CHST7: variants seen among roughly 807,000 people sequenced by gnomAD.
The protein encoded by CHST7 is carbohydrate sulfotransferase 7, also known as N-acetylglucosamine 6-O-sulfotransferase 4.
In CHST7, 5 loss-of-function variants were observed where a neutral mutation model predicts 9.0. That is an observed-to-expected ratio of 0.56 (90% CI 0.29 to 1.17). CHST7 has a LOEUF of 1.17. CHST7 is among the 50% of genes most tolerant of loss of function. The pLI is 0.08. For missense variants in CHST7, 377 were observed against 485.1 expected, an observed-to-expected ratio of 0.78 and a Z score of 2.09; for synonymous variants, 244 against 237.1, an observed-to-expected ratio of 1.03 and a Z score of -0.27.
intron 1 of CHST7, among the ~76,000 whole-genome samples, chrX:46,581,891 G>A (rs762900327): frequency 2.7e-5 from 3 of 111,585 alleles, no homozygotes; most frequent in East Asian, 2.9e-4. Flanking sequence ...CACTGCGCCC[G>A]GTCAAAAATA....
At chrX:46,590,335 G>A (rs1215446560) in intron 1 of CHST7, among the ~76,000 whole-genome samples, 1 of 110,126 alleles carries the variant, frequency 9.1e-6, no homozygotes, top group Non-Finnish European at 1.9e-5. Context: ...CCAGCACTTA[G>A]GGAAGTCAAG....
At chrX:46,580,248 C>T (rs910313700) in intron 1 of CHST7, among the ~76,000 whole-genome samples, 9 of 110,113 alleles carry the variant, frequency 8.2e-5, no homozygotes, top group Non-Finnish European at 1.3e-4. Flanking sequence ...TTAGTAAAGA[C>T]GGGGTTTCAC....
At position 46,574,533 on chromosome X, in the gene CHST7, T is replaced by G. The variant is rs779640252; in HGVS notation, c.602T>G (p.Ile201Ser). ...TTCCGCTGGCGGACTAACAAGGTCATCTGCTCGCCGCCACTGTGTCCTGGC... is the reference window on the plus strand; with the variant it reads ...TTCCGCTGGCGGACTAACAAGGTCAGCTGCTCGCCGCCACTGTGTCCTGGC... The part of the protein sequence containing the change: ...ALFRWRTNKV[I>S]CSPPLCPGAP... Residue 201 changes from isoleucine to serine, a missense_variant, in exon 1 of 2, where the codon ATC becomes AGC. Ile to Ser is a moderately radical substitution (Grantham distance 142). This residue lies in a region of CHST7 where 239 missense variants were observed against 325.7 expected (regional missense o/e 0.73). Coordinates refer to ENST00000276055, the MANE Select transcript of CHST7 (RefSeq NM_019886.4). 1 of 1,207,124 alleles carries G rather than the reference T, an allele frequency of 8.3e-7. No individual in the cohort carries two copies. Among genetic ancestry groups the G allele is most frequent in the Non-Finnish European group, 1.1e-6 (1 of 893,184 alleles).
At chrX:46,587,207 C>G (rs1193382768) in intron 1 of CHST7, among the ~76,000 whole-genome samples, 1 of 110,825 alleles carries the variant, frequency 9.0e-6, no homozygotes, top group African/African-American at 3.3e-5. Flanking sequence ...TACTGGCTGA[C>G]TCTGGGCTTG....
At chrX:46,594,594 C>T (rs900117938) in intron 1 of CHST7, among the ~76,000 whole-genome samples, 12 of 111,064 alleles carry the variant, frequency 1.1e-4, no homozygotes, top group African/African-American at 3.9e-4. Context: ...GTCGTGTCAC[C>T]TCCTTCTGAC....
At chrX:46,587,733 G>C (rs939165927) in intron 1 of CHST7, among the ~76,000 whole-genome samples, 4 of 112,339 alleles carry the variant, frequency 3.6e-5, no homozygotes, top group African/African-American at 1.3e-4. Context: ...TGCTATTGTT[G>C]TAAACATTGT....
chrX:46,574,964 C>T lies in CHST7; in HGVS notation c.1033C>T (p.Leu345Phe). 2 of 1,158,026 alleles carry T rather than the reference C, an allele frequency of 1.7e-6. No homozygotes were observed. The highest frequency in any genetic ancestry group is 2.3e-6 in the Non-Finnish European group (2 of 878,605). Reference protein sequence around the residue: ...PRADFFLTGALEVICEAWLRD... With the variant: ...PRADFFLTGAFEVICEAWLRD... Reference sequence around the variant, plus strand: ...CGCCGATTTCTTCCTGACCGGTGCGCTCGAGGTGATCTGCGAAGCCTGGCT... The same window carrying T: ...CGCCGATTTCTTCCTGACCGGTGCGTTCGAGGTGATCTGCGAAGCCTGGCT... Residue 345 changes from leucine to phenylalanine, a missense_variant, in exon 1 of 2, where the codon CTC becomes TTC. Coordinates refer to ENST00000276055, the MANE Select transcript of CHST7 (RefSeq NM_019886.4).
Position 46,574,211 on chromosome X carries a change from G to C in CHST7, c.280G>C (p.Gly94Arg). 5.8e-6 allele frequency: 7 copies of C among 1,207,719 alleles called. No homozygotes were observed. The highest frequency in any genetic ancestry group is 2.3e-4 in the Middle Eastern group (1 of 4,342). The change falls in exon 1 of 2, where the codon GGG becomes CGG. Residue 94 changes from glycine to arginine, a missense_variant. Gly to Arg is a moderately radical substitution (Grantham distance 125, BLOSUM62 -2). Coordinates refer to ENST00000276055, the MANE Select transcript of CHST7 (RefSeq NM_019886.4). ...RFPSNLSGAV[G>R]EAVSREKQHI... ...CCCAAGCAACCTCAGCGGCGCTGTC[G>C]GGGAGGCAGTGTCTCGCGAGAAGCA...
intron 1 of CHST7, 98 bp from the exon 2 acceptor site, chrX:46,597,662 T>G (rs1245372192): frequency 8.9e-6 from 1 of 112,883 alleles, no homozygotes; most frequent in Non-Finnish European, 1.9e-5. Context: ...TATAGGTTTC[T>G]GATTTAAAAG....
chrX:46,591,782 G>A (rs1942574252), intron 1 of CHST7, among the ~76,000 whole-genome samples: 1 of 111,374 alleles, frequency 9.0e-6, no homozygotes, highest in East Asian at 2.8e-4. Context: ...CATGTGCCAT[G>A]GTGGTTTGCT....
chrX:46,575,125 C>G lies in CHST7; in HGVS notation c.1194C>G (p.Leu398=), dbSNP rs770193561. ...TGCGCTTCTCCGGGCTACGCGCGCT[C>G]GCAGCGCTCGATGCCTTCGCGCTCA... ...RLLRFSGLRA[L]AALDAFALNM... is the part of the protein sequence containing the mutation. Residue 398 remains leucine (L), a synonymous_variant, in exon 1 of 2, where the codon CTC becomes CTG. Coordinates refer to ENST00000276055, the MANE Select transcript of CHST7 (RefSeq NM_019886.4). 1 of 1,100,681 alleles carries G rather than the reference C, an allele frequency of 9.1e-7. No homozygotes were observed. Among genetic ancestry groups the G allele is most frequent in the African/African-American group, 1.9e-5 (1 of 52,005 alleles). 90.7% of individuals were successfully genotyped at this position (1,100,681 alleles called of 1,213,427 possible).
At chrX:46,579,860 C>T (rs919200329) in intron 1 of CHST7, among the ~76,000 whole-genome samples, 6 of 109,838 alleles carry the variant, frequency 5.5e-5, no homozygotes, top group South Asian at 7.8e-4. Flanking sequence ...AGGGTAGTGG[C>T]GCGCATCTGT....
intron 1 of CHST7, among the ~76,000 whole-genome samples, chrX:46,589,777 T>C (rs751740250): frequency 9.0e-6 from 1 of 111,327 alleles, no homozygotes; most frequent in South Asian, 3.8e-4. Context: ...TATATAAGCA[T>C]CCTTGACATA....
intron 1 of CHST7, among the ~76,000 whole-genome samples, chrX:46,578,257 TC>T (rs1183966330): frequency 3.2e-5 from 3 of 94,377 alleles, no homozygotes; most frequent in Non-Finnish European, 6.1e-5. Flanking sequence ...GGGTTTTTCC[TC>T]CTGCCATGCT....
intron 1 of CHST7, among the ~76,000 whole-genome samples, chrX:46,592,711 T>A (rs1273021132): frequency 9.0e-6 from 1 of 110,782 alleles, no homozygotes; most frequent in African/African-American, 3.3e-5. Context: ...TGTTTCATTG[T>A]ATTTTGATTG....
At chrX:46,592,120 A>G (rs959410485) in intron 1 of CHST7, among the ~76,000 whole-genome samples, 14 of 112,179 alleles carry the variant, frequency 1.2e-4, no homozygotes, top group African/African-American at 4.5e-4. Flanking sequence ...CAAATTATCT[A>G]TTTCATATTG....
At chrX:46,584,211 T>G (rs1942537813) in intron 1 of CHST7, among the ~76,000 whole-genome samples, 1 of 111,226 alleles carries the variant, frequency 9.0e-6, no homozygotes, top group Non-Finnish European at 1.9e-5. Context: ...AGACACGTTT[T>G]GCTTACAGAA....
chrX:46,578,371 G>T (rs1250205707), intron 1 of CHST7, among the ~76,000 whole-genome samples: 1 of 91,957 alleles, frequency 1.1e-5, no homozygotes, highest in Non-Finnish European at 2.0e-5. Context: ...CCTCCTCCCA[G>T]GCTCAAGTGA....
chrX:46,585,675 G>T (rs1394147231), intron 1 of CHST7, among the ~76,000 whole-genome samples: 2 of 112,103 alleles, frequency 1.8e-5, no homozygotes, highest in East Asian at 5.6e-4. Flanking sequence ...CACATCCCTC[G>T]CAAAGAATAA....
Sources: gnomAD v4.1 joint callset for allele counts (sites outside exome capture counted in the v4.1 genomes callset) on GRCh38, gnomAD v4.1.1 for gene constraint, gnomAD v4.1.1 regional missense constraint, MANE v1.5 for transcripts, NCBI Gene and HGNC (gene_info 2026-07-23, HGNC 2026-07-21) for gene names.